The following VWA3A variants were observed in gnomAD, a reference collection of about 807,000 sequenced individuals.
The protein encoded by VWA3A is von Willebrand factor A domain containing 3A.
A neutral mutation model predicts 160.4 loss-of-function variants in VWA3A; 134 were observed. The observed-to-expected ratio is 0.84, with a 90% CI of 0.73 to 0.96. The LOEUF (loss-of-function observed/expected upper bound fraction) is 0.96, where lower values mean the gene tolerates loss of function less well. Ranked by LOEUF, VWA3A falls within the 40% of genes least tolerant of loss-of-function variation. VWA3A has a pLI of 0.00. For synonymous variants in VWA3A, 476 were observed against 543.4 expected, an observed-to-expected ratio of 0.88 and a Z score of 1.72; for missense variants, 1,310 against 1,447.9, an observed-to-expected ratio of 0.90 and a Z score of 1.55.
intron 17 of VWA3A, among the ~76,000 whole-genome samples, chr16:22,127,424 C>T (rs1183643579): frequency 6.6e-6 from 1 of 151,958 alleles, no homozygotes; most frequent in Non-Finnish European, 1.5e-5. Context: ...CTGAGCTCAG[C>T]CATAAAAACT....
intron 27 of VWA3A, 145 bp downstream of exon 27, chr16:22,146,489 C>T (rs2142011740): frequency 3.0e-6 from 2 of 672,486 alleles, no homozygotes; most frequent in Admixed American, 2.9e-5. Context: ...CATCCACATA[C>T]AACATGACAC....
chr16:22,138,541 A>G, intron 22 of VWA3A, 29 bp downstream of exon 22: 1 of 1,612,700 alleles, frequency 6.2e-7, no homozygotes, highest in Non-Finnish European at 8.5e-7. Flanking sequence ...TAACACGCAG[A>G]AGATTTGGTT....
chr16:22,142,651 CA>C lies in VWA3A; in HGVS notation c.2495-16del. 2 of 1,546,228 alleles carry C rather than the reference CA, an allele frequency of 1.3e-6. No individual in the cohort carries two copies. The highest frequency in any genetic ancestry group is 2.4e-5 in the South Asian group (2 of 84,068). Reference sequence around the variant, plus strand: ...ACCATCCAAACTATAGCAATGACCTCACTCTGCTTCTTCTAGGCTCAGTGTA... The same window carrying C: ...ACCATCCAAACTATAGCAATGACCTCCTCTGCTTCTTCTAGGCTCAGTGTA... On this transcript the variant is annotated splice_polypyrimidine_tract_variant and intron_variant, in intron 24 of 33. Transcript: ENST00000389398.
At chr16:22,131,430 G>C (rs1484462793) in intron 18 of VWA3A, among the ~76,000 whole-genome samples, 151 bp downstream of exon 18, 2 of 152,142 alleles carry the variant, frequency 1.3e-5, no homozygotes, top group African/African-American at 2.4e-5. Flanking sequence ...GCTTCCTTCT[G>C]TCTGCTGCTC....
chr16:22,110,719 A>G (rs1335448783), intron 7 of VWA3A, among the ~76,000 whole-genome samples, 169 bp from the exon 8 acceptor site: 2 of 152,192 alleles, frequency 1.3e-5, no homozygotes, highest in Non-Finnish European at 2.9e-5. Flanking sequence ...GAGGCCCGGC[A>G]GGCAGGAAGC....
At chr16:22,143,484 G>A (rs2046190050) in intron 25 of VWA3A, among the ~76,000 whole-genome samples, 1 of 152,158 alleles carries the variant, frequency 6.6e-6, no homozygotes, top group South Asian at 2.1e-4. Context: ...TGGCTGCTTT[G>A]AGCCTGCCCA....
intron 26 of VWA3A, among the ~76,000 whole-genome samples, chr16:22,145,025 G>C (rs774395057): frequency 5.3e-5 from 8 of 152,160 alleles, no homozygotes; most frequent in African/African-American, 1.9e-4. Flanking sequence ...TGATGGTTCT[G>C]TTATGGCAGC....
intron 19 of VWA3A, among the ~76,000 whole-genome samples, chr16:22,132,313 G>A (rs1298484696): frequency 6.6e-6 from 1 of 151,868 alleles, no homozygotes; most frequent in Non-Finnish European, 1.5e-5. Flanking sequence ...AACCTGGAGG[G>A]GGAGGTTGCG....
At chr16:22,115,730 G>A (rs1276385767) in intron 9 of VWA3A, among the ~76,000 whole-genome samples, 1 of 151,104 alleles carries the variant, frequency 6.6e-6, no homozygotes, top group Non-Finnish European at 1.5e-5. Flanking sequence ...CCAGCTACTT[G>A]GGAGGCTGAG....
intron 22 of VWA3A, among the ~76,000 whole-genome samples, chr16:22,139,364 C>T (rs1280806116): frequency 6.6e-6 from 1 of 152,192 alleles, no homozygotes; most frequent in African/African-American, 2.4e-5. Context: ...CGCCACACTC[C>T]AGTCGTGGCT....
At chr16:22,136,037 T>G (rs993553618) in intron 21 of VWA3A, among the ~76,000 whole-genome samples, 1 of 152,178 alleles carries the variant, frequency 6.6e-6, no homozygotes, top group Non-Finnish European at 1.5e-5. Context: ...CTGATCTGCC[T>G]GCCTCAGCCT....
chr16:22,128,882 G>A (rs1478414466), intron 17 of VWA3A, among the ~76,000 whole-genome samples: 1 of 152,102 alleles, frequency 6.6e-6, no homozygotes, highest in Non-Finnish European at 1.5e-5. Context: ...TAAATGATGA[G>A]AACACATGGA....
intron 11 of VWA3A, among the ~76,000 whole-genome samples, chr16:22,117,659 A>T (rs1458460707): frequency 1.3e-5 from 2 of 152,248 alleles, no homozygotes; most frequent in Admixed American, 1.3e-4. Flanking sequence ...ATAACTAGAC[A>T]TCAGCCACCC....
intron 8 of VWA3A, among the ~76,000 whole-genome samples, chr16:22,114,930 C>A (rs1310402767): frequency 6.6e-6 from 1 of 151,998 alleles, no homozygotes; most frequent in Non-Finnish European, 1.5e-5. Context: ...CTCAGCCTCC[C>A]AAGTAGCTGG....
In VWA3A at chr16:22,131,581, G is replaced by A. The variant is rs886698273; in HGVS notation, c.1728-4G>A. 42 of 1,611,142 alleles carry A rather than the reference G, an allele frequency of 2.6e-5. No homozygotes were observed. Among genetic ancestry groups the A allele is most frequent in the African/African-American group, 5.3e-5 (4 of 74,910 alleles). On this transcript the variant is annotated splice_region_variant and splice_polypyrimidine_tract_variant and intron_variant, in intron 18 of 33. Transcript: ENST00000389398. ...CCTCAGCATGGCCATCTCTGCCTCC[G>A]CAGGTGGGCCCTGAACCTGCGGTGT...
chr16:22,136,242 C>T (rs2046037631), intron 21 of VWA3A, among the ~76,000 whole-genome samples: 1 of 152,094 alleles, frequency 6.6e-6, no homozygotes, highest in African/African-American at 2.4e-5. Flanking sequence ...ATTGAACGGG[C>T]AGTGTGAAAG....
At chr16:22,122,160 AATGGATGAATGG>A (rs1426054109) in intron 14 of VWA3A, among the ~76,000 whole-genome samples, 2 of 90,998 alleles carry the variant, frequency 2.2e-5, no homozygotes, top group Non-Finnish European at 4.4e-5. Context: ...TGGATAGGTA[AATGGATGAATGG>A]ATGGATGAGT....
intron 25 of VWA3A, among the ~76,000 whole-genome samples, chr16:22,143,592 A>C (rs1248504554): frequency 6.6e-6 from 1 of 152,140 alleles, no homozygotes; most frequent in Non-Finnish European, 1.5e-5. Context: ...CAAATATTGT[A>C]GGTGGGGTGC....
intron 18 of VWA3A, 147 bp downstream of exon 18, chr16:22,131,426 T>C: frequency 7.0e-7 from 1 of 1,428,386 alleles, no homozygotes; most frequent in Non-Finnish European, 9.5e-7. Flanking sequence ...AACAGCTTCC[T>C]TCTGTCTGCT....
Sources: allele counts gnomAD v4.1 joint callset (sites outside exome capture counted in the v4.1 genomes callset), GRCh38; gene constraint gnomAD v4.1.1; transcripts MANE v1.5; gene names NCBI Gene and HGNC (gene_info 2026-07-23, HGNC 2026-07-21).